Variants in ANXA11 observed in about 807,000 individuals in gnomAD.
ANXA11 encodes the protein 56 kDa autoantigen.
In ANXA11, 57 loss-of-function variants were observed where a neutral mutation model predicts 64.7. The observed-to-expected ratio is 0.88, with a 90% CI of 0.71 to 1.10. The LOEUF (loss-of-function observed/expected upper bound fraction) is 1.10. Ranked by LOEUF, ANXA11 falls within the 50% of genes least tolerant of loss-of-function variation. The pLI is 0.00. For missense variants in ANXA11, 675 were observed against 670.7 expected (o/e 1.01, Z -0.07); for synonymous variants, 260 against 265.2 (o/e 0.98, Z 0.19).
At chr10:80,177,075 G>T (rs1230682933) in intron 1 of ANXA11, among the ~76,000 whole-genome samples, 1 of 151,452 alleles carries the variant, frequency 6.6e-6, no homozygotes, top group African/African-American at 2.4e-5. Context: ...CACCTCCTCG[G>T]TGCAAGCAAT....
At chr10:80,156,366 C>A (rs1457063713) in intron 15 of ANXA11, 2 of 471,622 alleles carry the variant, frequency 4.2e-6, no homozygotes, top group Non-Finnish European at 8.8e-6. Context: ...TGTCTGAGGC[C>A]ACTACACTTA....
At chr10:80,171,367 CTG>C (rs1845970915) in intron 3 of ANXA11, 4 of 579,574 alleles carry the variant, frequency 6.9e-6, no homozygotes, top group Non-Finnish European at 8.9e-6. Flanking sequence ...TATTACAAGT[CTG>C]TAAAAGGCAG....
At chr10:80,167,501 G>A (rs2132405373) in intron 5 of ANXA11, among the ~76,000 whole-genome samples, 188 bp from the exon 6 acceptor site, 2 of 152,342 alleles carry the variant, frequency 1.3e-5, no homozygotes, top group Middle Eastern at 3.4e-3. Flanking sequence ...CTGGCCTTGT[G>A]TTCTAGTACT....
Position 80,152,369 on chromosome 10 carries a change from A to C in ANXA11, c.*3484T>G, listed in dbSNP as rs529246513. On this transcript the variant is annotated 3_prime_UTR_variant, in exon 16 of 16. Coordinates refer to ENST00000422982, the MANE Select transcript of ANXA11 (RefSeq NM_145868.2). ...GCAGTAGGTGCCTTTGCCTCTGGGA[A>C]GATCATGAGGCATTCATGCAGTCCT... is the stretch of plus-strand genomic sequence containing the variant. 6.6e-6 allele frequency: 1 copy of C among 152,352 alleles called. No homozygotes were observed. Among genetic ancestry groups the C allele is most frequent in the South Asian group, 2.1e-4 (1 of 4,824 alleles). 9.4% of individuals were successfully genotyped at this position (152,352 alleles called of 1,614,324 possible).
intron 8 of ANXA11, among the ~76,000 whole-genome samples, chr10:80,165,718 C>T (rs1033962277): frequency 6.6e-6 from 1 of 152,140 alleles, no homozygotes; most frequent in Admixed American, 6.5e-5. Context: ...TTGCTAGTAA[C>T]AGAGTCCTAA....
chr10:80,176,231 G>T (rs1053833521), intron 1 of ANXA11, 76 bp from the exon 2 acceptor site: 1 of 152,098 alleles, frequency 6.6e-6, no homozygotes, highest in African/African-American at 2.4e-5. Context: ...CACCAATGAG[G>T]CTGGTTAAAT....
At chr10:80,186,346 T>A (rs1442917943) in intron 1 of ANXA11, among the ~76,000 whole-genome samples, 1 of 151,724 alleles carries the variant, frequency 6.6e-6, no homozygotes, top group Non-Finnish European at 1.5e-5. Context: ...CAGGGCAGTG[T>A]GACAGGTGGA....
chr10:80,177,676 G>A (rs1367199268), intron 1 of ANXA11, among the ~76,000 whole-genome samples: 1 of 152,104 alleles, frequency 6.6e-6, no homozygotes, highest in East Asian at 1.9e-4. Flanking sequence ...CATCATGTGG[G>A]TGCAGGCATT....
chr10:80,200,715 A>C (rs1421057877), intron 1 of ANXA11, among the ~76,000 whole-genome samples: 1 of 152,216 alleles, frequency 6.6e-6, no homozygotes, highest in African/African-American at 2.4e-5. Context: ...GTTAATATTT[A>C]TCATGCAGTT....
intron 8 of ANXA11, 39 bp from the exon 9 acceptor site, chr10:80,164,182 C>G: frequency 3.9e-6 from 6 of 1,544,872 alleles, no homozygotes; most frequent in Non-Finnish European, 5.4e-6. Context: ...TGTGCTTGTT[C>G]CAGCAGCCTC....
At chr10:80,162,776 A>T (rs1589419311) in intron 11 of ANXA11, among the ~76,000 whole-genome samples, 2 of 152,082 alleles carry the variant, frequency 1.3e-5, no homozygotes, top group East Asian at 3.9e-4. Context: ...GGTATGGCCA[A>T]CTCCACCCCA....
intron 8 of ANXA11, 45 bp downstream of exon 8, chr10:80,166,039 C>CATGCGCGCGT (rs755044365): frequency 1.2e-5 from 13 of 1,096,826 alleles, no homozygotes; most frequent in Non-Finnish European, 1.7e-5. Context: ...CGCACACACG[C>CATGCGCGCGT]GCGCACACAC....
rs549482646 is a variant in ANXA11, at chr10:80,179,399, A to G, written c.-57-3244T>C. Among the ~76,000 whole-genome samples, 3 of 152,332 alleles carry G rather than the reference A, an allele frequency of 2.0e-5. No individual in the cohort carries two copies. The South Asian group carries it at 6.2e-4, about 32-fold the overall frequency. ...GGCCCAGCCTGCAGAACTGTGAGCC[A>G]ATTAAACCTCTTTTCTTTATAAATT... On this transcript the variant is annotated intron_variant, in intron 1 of 15. Transcript: ENST00000422982.
chr10:80,192,357 T>A (rs1252268750), intron 1 of ANXA11, among the ~76,000 whole-genome samples: 1 of 151,986 alleles, frequency 6.6e-6, no homozygotes, highest in Non-Finnish European at 1.5e-5. Context: ...ACAGGACATC[T>A]GAGAAAGTCT....
chr10:80,183,172 G>A (rs1221645193), intron 1 of ANXA11, among the ~76,000 whole-genome samples: 3 of 152,216 alleles, frequency 2.0e-5, no homozygotes, highest in African/African-American at 7.2e-5. Flanking sequence ...AGGAGAGAGG[G>A]AGGCACCAGG....
chr10:80,185,119 T>G (rs117549864), intron 1 of ANXA11, among the ~76,000 whole-genome samples: 1,651 of 152,348 alleles, frequency 0.011, 11 homozygotes, highest in Non-Finnish European at 0.018. Flanking sequence ...AATATGCATT[T>G]TGGCCTTCTG....
chr10:80,202,365 C>T (rs1231593258), intron 1 of ANXA11, among the ~76,000 whole-genome samples: 1 of 152,054 alleles, frequency 6.6e-6, no homozygotes, highest in African/African-American at 2.4e-5. Flanking sequence ...CTTTTAGGAT[C>T]CTCCCAAATA....
At chr10:80,183,666 A>G (rs1846436017) in intron 1 of ANXA11, among the ~76,000 whole-genome samples, 1 of 152,222 alleles carries the variant, frequency 6.6e-6, no homozygotes, top group Non-Finnish European at 1.5e-5. Context: ...GTCCAAGCTG[A>G]GCTGGCTTCA....
At chr10:80,165,690 G>A (rs867579984) in intron 8 of ANXA11, among the ~76,000 whole-genome samples, 1 of 152,130 alleles carries the variant, frequency 6.6e-6, no homozygotes, top group African/African-American at 2.4e-5. Flanking sequence ...TTCTTAAACC[G>A]AAGTGTGTTT....
Sources: allele counts gnomAD v4.1 joint callset (sites outside exome capture counted in the v4.1 genomes callset), GRCh38; gene constraint gnomAD v4.1.1; transcripts MANE v1.5; gene names NCBI Gene and HGNC (gene_info 2026-07-23, HGNC 2026-07-21).